PACSIN2: variants seen among roughly 807,000 people sequenced by gnomAD.
PACSIN2 encodes protein kinase C and casein kinase substrate in neurons protein 2.
PACSIN2 carries 25 observed loss-of-function variants against 63.8 expected under a neutral mutation model. The observed-to-expected ratio is 0.39, with a 90% CI of 0.29 to 0.55. The LOEUF (loss-of-function observed/expected upper bound fraction) is 0.55, where lower values mean the gene tolerates loss of function less well. Ranked by LOEUF, PACSIN2 falls within the 20% of genes least tolerant of loss-of-function variation. PACSIN2 has a pLI of 0.62. For missense variants in PACSIN2, 518 were observed against 646.9 expected, an observed-to-expected ratio of 0.80 and a Z score of 2.16; for synonymous variants, 255 against 256.2, an observed-to-expected ratio of 1.00 and a Z score of 0.05.
chr22:42,913,128 T>C (rs1931570450), intron 1 of PACSIN2, among the ~76,000 whole-genome samples: 1 of 152,144 alleles, frequency 6.6e-6, no homozygotes, highest in Non-Finnish European at 1.5e-5. Flanking sequence ...ACTTATGAGG[T>C]GGGCAACAGT....
intron 1 of PACSIN2, among the ~76,000 whole-genome samples, chr22:42,997,155 C>A (rs1000427489): frequency 6.6e-6 from 1 of 152,224 alleles, no homozygotes; most frequent in Non-Finnish European, 1.5e-5. Flanking sequence ...TCACGCTCTG[C>A]CTCCTCTGAC....
intron 1 of PACSIN2, among the ~76,000 whole-genome samples, chr22:43,014,344 A>T (rs1924715560): frequency 1.2e-4 from 2 of 16,662 alleles, no homozygotes; most frequent in African/African-American, 7.7e-4. Context: ...ACACACACAC[A>T]CACACACAGA....
chr22:42,889,554 A>AAGACACAGAGAAAAGG (rs1237524544), intron 4 of PACSIN2, among the ~76,000 whole-genome samples: 1 of 152,180 alleles, frequency 6.6e-6, no homozygotes, highest in East Asian at 1.9e-4. Flanking sequence ...GACAAAAGCT[A>AAGACACAGAGAAAAGG]AGACACAGAG....
At chr22:43,012,676 G>T (rs2146934659) in intron 1 of PACSIN2, among the ~76,000 whole-genome samples, 1 of 151,372 alleles carries the variant, frequency 6.6e-6, no homozygotes, top group East Asian at 1.9e-4. Flanking sequence ...TTTGAAACAG[G>T]AGTTTTGCTC....
chr22:42,974,796 G>GGAGGA (rs986070052), intron 1 of PACSIN2, among the ~76,000 whole-genome samples: 2 of 150,724 alleles, frequency 1.3e-5, no homozygotes, highest in Non-Finnish European at 3.0e-5. Flanking sequence ...AGGAGGAGGA[G>GGAGGA]GAGGAGAGGA....
chr22:42,985,541 C>T (rs993201176), intron 1 of PACSIN2, among the ~76,000 whole-genome samples: 2 of 152,340 alleles, frequency 1.3e-5, no homozygotes, highest in Admixed American at 6.5e-5. Context: ...CTAGGTGCAA[C>T]TGAAGACACT....
At chr22:42,931,917 A>C (rs1430001110) in intron 1 of PACSIN2, among the ~76,000 whole-genome samples, 1 of 152,158 alleles carries the variant, frequency 6.6e-6, no homozygotes, top group African/African-American at 2.4e-5. Flanking sequence ...AAAACGTTTA[A>C]TGTTTTCCCA....
At chr22:42,925,474 C>T (rs567438667) in intron 1 of PACSIN2, among the ~76,000 whole-genome samples, 16 of 149,590 alleles carry the variant, frequency 1.1e-4, no homozygotes, top group Admixed American at 4.0e-4. Context: ...AGCAAGACTC[C>T]GTCTTTAAAA....
chr22:42,876,822 G>GTC, intron 9 of PACSIN2, 66 bp downstream of exon 9: 1 of 1,571,532 alleles, frequency 6.4e-7, no homozygotes, highest in South Asian at 1.1e-5. Flanking sequence ...GAGACCCCTG[G>GTC]ACAGAGAGAG....
At chr22:42,917,304 T>A (rs113550627) in intron 1 of PACSIN2, among the ~76,000 whole-genome samples, 4 of 152,110 alleles carry the variant, frequency 2.6e-5, no homozygotes, top group African/African-American at 9.6e-5. Flanking sequence ...CTAGAACATA[T>A]AACATGAAAA....
intron 1 of PACSIN2, among the ~76,000 whole-genome samples, chr22:42,977,372 T>C (rs368916881): frequency 1.3e-4 from 19 of 151,904 alleles, no homozygotes; most frequent in Admixed American, 4.6e-4. Context: ...AGAAAGGATA[T>C]AGGTATGGAA....
chr22:42,908,931 T>A (rs1018756254), intron 2 of PACSIN2, among the ~76,000 whole-genome samples: 6 of 152,158 alleles, frequency 3.9e-5, no homozygotes, highest in Admixed American at 2.6e-4. Context: ...CATAAGCATC[T>A]TCTTTGTGGG....
At chr22:43,011,179 G>A (rs1387950160) in intron 1 of PACSIN2, among the ~76,000 whole-genome samples, 2 of 152,190 alleles carry the variant, frequency 1.3e-5, no homozygotes, top group African/African-American at 4.8e-5. Context: ...CAGTGCCCTG[G>A]CCATAAGGAA....
intron 1 of PACSIN2, among the ~76,000 whole-genome samples, chr22:42,976,121 G>A (rs1320600526): frequency 6.6e-6 from 1 of 152,160 alleles, no homozygotes; most frequent in Non-Finnish European, 1.5e-5. Flanking sequence ...AGGAAAAGGG[G>A]GCTAGAAACT....
At chr22:42,971,599 G>A (rs1413912415) in intron 1 of PACSIN2, among the ~76,000 whole-genome samples, 1 of 151,798 alleles carries the variant, frequency 6.6e-6, no homozygotes, top group Non-Finnish European at 1.5e-5. Flanking sequence ...TGGGAAGTGA[G>A]GAGTGTCTCT....
chr22:42,918,309 A>G (rs1038388578), intron 1 of PACSIN2, among the ~76,000 whole-genome samples: 1 of 152,156 alleles, frequency 6.6e-6, no homozygotes, highest in Admixed American at 6.5e-5. Flanking sequence ...AGACAGCTAT[A>G]TTGCCTGGAG....
In PACSIN2 at chr22:42,871,482, GA is replaced by G; in HGVS notation, c.1349-14del. 6.3e-7 allele frequency: 1 copy of G among 1,593,560 alleles called. No homozygotes were observed. Among genetic ancestry groups the G allele is most frequent in the South Asian group, 1.1e-5 (1 of 90,676 alleles). ...GTCAGCTCATCCCCTGCAAGACAAA[GA>G]GGGAGCCGTCTCCATGAGAGGTATG... On this transcript the variant is annotated splice_polypyrimidine_tract_variant and intron_variant, in intron 10 of 10. Coordinates refer to ENST00000263246, the MANE Select transcript of PACSIN2 (RefSeq NM_001184970.3). This position sits in a 1 kb window ranked among gnomAD's most constrained non-coding sequence, Gnocchi z 5.4.
rs1013765499 is a variant in PACSIN2 at position 42,965,899 on chromosome 22, C to T, written c.-78+49122G>A. 4.0e-5 allele frequency among the ~76,000 whole-genome samples: 6 copies of T among 150,610 alleles called. No homozygotes were observed. The South Asian group carries it at 8.4e-4, about 21-fold the overall frequency. ...ATAAGTAAATCTTAAATTCTAGAAA[C>T]CTACTATAATCATAAATAAATAAAT... On this transcript the variant is annotated intron_variant, in intron 1 of 10. Transcript: ENST00000263246.
At chr22:42,985,882 C>T (rs1922574613) in intron 1 of PACSIN2, among the ~76,000 whole-genome samples, 1 of 141,802 alleles carries the variant, frequency 7.1e-6, no homozygotes, top group South Asian at 2.6e-4. Flanking sequence ...CCTCCCATGC[C>T]CACCCTGCCC....
Sources: gnomAD v4.1 joint callset for allele counts (sites outside exome capture counted in the v4.1 genomes callset) on GRCh38, gnomAD v4.1.1 for gene constraint, Gnocchi (gnomAD v3.1) non-coding constraint, MANE v1.5 for transcripts, NCBI Gene and HGNC (gene_info 2026-07-23, HGNC 2026-07-21) for gene names.